Variants in CRMP1 observed in about 807,000 individuals in gnomAD.
The protein encoded by CRMP1 is dihydropyrimidinase-related protein 1.
A neutral mutation model predicts 68.3 loss-of-function variants in CRMP1; 19 were observed. The ratio of observed to expected loss-of-function variants is 0.28; its 90% confidence interval spans 0.19 to 0.41. CRMP1 has a LOEUF of 0.41. Among genes scored for constraint, CRMP1 ranks in the 10% least tolerant of loss-of-function variants. The probability of loss-of-function intolerance (pLI) is 1.00; values close to 1 mark genes in which losing one functional copy is unlikely to be tolerated. For synonymous variants in CRMP1, 439 were observed against 399.6 expected, an observed-to-expected ratio of 1.10 and a Z score of -1.18; for missense variants, 791 against 967.4, an observed-to-expected ratio of 0.82 and a Z score of 2.42.
At chr4:5,886,616 G>A (rs1715606318) in intron 1 of CRMP1, among the ~76,000 whole-genome samples, 1 of 152,244 alleles carries the variant, frequency 6.6e-6, no homozygotes, top group Admixed American at 6.5e-5. Context: ...TTCCACCTTG[G>A]AGACTGGGGA....
chr4:5,825,981 C>A lies in CRMP1; in HGVS notation c.1804-322G>T. On this transcript the variant is annotated intron_variant, in intron 12 of 13. Coordinates refer to ENST00000324989, the MANE Select transcript of CRMP1 (RefSeq NM_001014809.3). This position sits in a 1 kb window ranked among gnomAD's most constrained non-coding sequence, Gnocchi z 4.4. Reference sequence around the variant, plus strand: ...ATGCACATGCAGTAACAAAACAGGCCTACACAGTAGCATACACGCGTGAAC... The same window carrying A: ...ATGCACATGCAGTAACAAAACAGGCATACACAGTAGCATACACGCGTGAAC... 1.1e-4 allele frequency: 44 copies of A among 389,168 alleles called. No individual in the cohort carries two copies. The highest frequency in any genetic ancestry group is 1.7e-4 in the Non-Finnish European group (36 of 216,858). The allele number at this position is 389,168 out of a possible 1,614,324, so 24.1% of individuals were successfully genotyped here.
Position 5,860,898 on chromosome 4 carries a change from T to TG in CRMP1, c.655+127dup. The TG allele has an allele frequency of 1.1e-6, 1 of 916,774 alleles. No homozygotes were observed. Among genetic ancestry groups the TG allele is most frequent in the South Asian group, 1.7e-5 (1 of 58,456 alleles). The allele number at this position is 916,774 out of a possible 1,614,324, so 56.8% of individuals were successfully genotyped here. On this transcript the variant is annotated intron_variant, in intron 3 of 13. Transcript: ENST00000324989. This position sits in a 1 kb window ranked among gnomAD's most constrained non-coding sequence, Gnocchi z 4.2. ...AAAACAGTGACCTGTGTCATAGGGCTGGGGGGAGAATGAAATCCAATGGCA... is the reference window on the plus strand; with the variant it reads ...AAAACAGTGACCTGTGTCATAGGGCTGGGGGGGAGAATGAAATCCAATGGCA...
At chr4:5,869,613 C>T (rs751086011) in intron 1 of CRMP1, among the ~76,000 whole-genome samples, 16 of 147,664 alleles carry the variant, frequency 1.1e-4, no homozygotes, top group African/African-American at 1.8e-4. Flanking sequence ...GAACCCGGAA[C>T]GCAGAGCTTG....
Position 5,838,686 on chromosome 4 carries a change from A to G in CRMP1, c.1310+836T>C, listed in dbSNP as rs1213961173. Among the ~76,000 whole-genome samples, 1 of 152,150 alleles carries G rather than the reference A, an allele frequency of 6.6e-6. No individual in the cohort carries two copies. Among genetic ancestry groups the G allele is most frequent in the Non-Finnish European group, 1.5e-5 (1 of 68,030 alleles). On this transcript the variant is annotated intron_variant, in intron 9 of 13. Coordinates refer to ENST00000324989, the MANE Select transcript of CRMP1 (RefSeq NM_001014809.3). The surrounding 1 kb of genome is among the most constrained non-coding windows in gnomAD (Gnocchi z 4.9). ...AGACATTGGACTGCAGATGTTGAGT[A>G]AGCCCTTGGCTACGCTAGTCAAAGG... is the stretch of plus-strand genomic sequence containing the variant.
At chr4:5,856,913 C>A (rs1713123905) in intron 3 of CRMP1, among the ~76,000 whole-genome samples, 1 of 6,426 alleles carries the variant, frequency 1.6e-4, no homozygotes, top group Non-Finnish European at 3.3e-4. Context: ...CTAACATTAT[C>A]ACCACCACCA....
intron 1 of CRMP1, among the ~76,000 whole-genome samples, chr4:5,875,001 A>T (rs1714712877): frequency 6.6e-6 from 1 of 152,222 alleles, no homozygotes; most frequent in South Asian, 2.1e-4. Flanking sequence ...TCAGAGGAGC[A>T]GCCAGGCAAG....
intron 11 of CRMP1, among the ~76,000 whole-genome samples, chr4:5,835,035 C>G (rs999024649): frequency 2.6e-5 from 4 of 152,140 alleles, no homozygotes; most frequent in African/African-American, 9.7e-5. Flanking sequence ...CCTGTCCCCA[C>G]ACCTGTGGTC....
intron 1 of CRMP1, among the ~76,000 whole-genome samples, chr4:5,878,013 C>T (rs572219399): frequency 1.3e-5 from 2 of 152,286 alleles, no homozygotes; most frequent in South Asian, 4.1e-4. Context: ...GAACAGAACT[C>T]CTTTGCCTTA....
rs1173153210 is a variant in CRMP1 at position 5,877,691 on chromosome 4, A to G, written c.382-10935T>C. Among the ~76,000 whole-genome samples the G allele has an allele frequency of 2.0e-5, 3 of 152,130 alleles. No homozygotes were observed. In the East Asian group the frequency reaches 5.8e-4, roughly 29 times the overall value. Reference sequence around the variant, plus strand: ...GGGACAGGGCGGCTTTCCCCCTTTCATGAATGGGAGATACAGGTAGTCCCC... The same window carrying G: ...GGGACAGGGCGGCTTTCCCCCTTTCGTGAATGGGAGATACAGGTAGTCCCC... On this transcript the variant is annotated intron_variant, in intron 1 of 13. Coordinates refer to ENST00000324989, the MANE Select transcript of CRMP1 (RefSeq NM_001014809.3). This position sits in a 1 kb window ranked among gnomAD's most constrained non-coding sequence, Gnocchi z 4.3.
At chr4:5,863,702 T>A (rs1364030376) in intron 2 of CRMP1, among the ~76,000 whole-genome samples, 1 of 151,910 alleles carries the variant, frequency 6.6e-6, no homozygotes, top group African/African-American at 2.4e-5. Context: ...AATGGAAACC[T>A]CGATGAATCA....
Position 5,870,088 on chromosome 4 carries a change from T to A in CRMP1, c.382-3332A>T, listed in dbSNP as rs578203909. On this transcript the variant is annotated intron_variant, in intron 1 of 13. Coordinates refer to ENST00000324989, the MANE Select transcript of CRMP1 (RefSeq NM_001014809.3). The surrounding 1 kb of genome is among the most constrained non-coding windows in gnomAD (Gnocchi z 6.0). ...CTCAAAGCTTCTTGCATCAGAATCATACTTCCCTCAGAGTGAAAGCCAAGG... is the reference window on the plus strand; with the variant it reads ...CTCAAAGCTTCTTGCATCAGAATCAAACTTCCCTCAGAGTGAAAGCCAAGG... Among the ~76,000 whole-genome samples the A allele has an allele frequency of 1.8e-4, 28 of 152,204 alleles. No homozygotes were observed. Among genetic ancestry groups the A allele is most frequent in the Non-Finnish European group, 2.8e-4 (19 of 68,030 alleles).
At chr4:5,844,939 T>A (rs1712077636) in intron 6 of CRMP1, among the ~76,000 whole-genome samples, 1 of 152,188 alleles carries the variant, frequency 6.6e-6, no homozygotes, top group African/African-American at 2.4e-5. Flanking sequence ...GCATCACGGT[T>A]CCAAATGTGA....
intron 13 of CRMP1, chr4:5,824,474 A>C (rs537701112): frequency 1.0e-6 from 1 of 985,224 alleles, no homozygotes; most frequent in South Asian, 4.7e-5. Context: ...ATCTGAATTC[A>C]CACGTCATCC....
intron 6 of CRMP1, among the ~76,000 whole-genome samples, chr4:5,845,401 T>C (rs903979920): frequency 6.6e-6 from 1 of 152,264 alleles, no homozygotes; most frequent in Non-Finnish European, 1.5e-5. Context: ...GCTGCCCATG[T>C]GCAAGGAACC....
rs888539653 is a variant in CRMP1, at chr4:5,866,820, T to C, written c.382-64A>G. ...AAGCCAGGATAAAGTTTTTTCTTTTTAATTTTTAATATAAGAATTATCAAA... is the reference window on the plus strand; with the variant it reads ...AAGCCAGGATAAAGTTTTTTCTTTTCAATTTTTAATATAAGAATTATCAAA... On this transcript the variant is annotated intron_variant, in intron 1 of 13. Coordinates refer to ENST00000324989, the MANE Select transcript of CRMP1 (RefSeq NM_001014809.3). The surrounding 1 kb of genome is among the most constrained non-coding windows in gnomAD (Gnocchi z 5.9). The C allele has an allele frequency of 2.7e-6, 3 of 1,117,466 alleles. No individual in the cohort carries two copies. Among genetic ancestry groups the C allele is most frequent in the Non-Finnish European group, 3.8e-6 (3 of 788,202 alleles). 69.2% of individuals were successfully genotyped at this position (1,117,466 alleles called of 1,614,324 possible). A position where few individuals can be genotyped will look rare whatever the true frequency, so the allele number is the denominator to read the frequency against.
rs1182643546 is a variant in CRMP1, at chr4:5,853,689, C to T, written c.821-2220G>A. 6.6e-6 allele frequency among the ~76,000 whole-genome samples: 1 copy of T among 152,202 alleles called. No homozygotes were observed. The highest frequency in any genetic ancestry group is 1.9e-4 in the East Asian group (1 of 5,196). On this transcript the variant is annotated intron_variant, in intron 4 of 13. Transcript: ENST00000324989. This position sits in a 1 kb window ranked among gnomAD's most constrained non-coding sequence, Gnocchi z 4.7. ...TATAACAGCCAAGATTAGGAAGCAA[C>T]CTGTGTCCATCAATGAATGAATGGA...
intron 2 of CRMP1, among the ~76,000 whole-genome samples, chr4:5,864,523 C>A (rs767985494): frequency 6.6e-6 from 1 of 152,232 alleles, no homozygotes; most frequent in African/African-American, 2.4e-5. Context: ...CATTTGTTTG[C>A]GCTTTCCCTG....
intron 1 of CRMP1, among the ~76,000 whole-genome samples, chr4:5,886,678 C>CAGA (rs1715611356): frequency 6.6e-6 from 1 of 152,250 alleles, no homozygotes; most frequent in Non-Finnish European, 1.5e-5. Context: ...ACCCAGAACT[C>CAGA]CTGACTCCTG....
At chr4:5,837,678 T>TAAAATA (rs142096286) in intron 9 of CRMP1, among the ~76,000 whole-genome samples, 3,005 of 126,176 alleles carry the variant, frequency 0.024, 133 homozygotes, top group African/African-American at 0.092. Context: ...TAAAATAAAA[T>TAAAATA]AAATAAAATA....
Sources: allele counts gnomAD v4.1 joint callset (sites outside exome capture counted in the v4.1 genomes callset), GRCh38; gene constraint gnomAD v4.1.1; non-coding constraint Gnocchi (gnomAD v3.1); transcripts MANE v1.5; gene names NCBI Gene and HGNC (gene_info 2026-07-23, HGNC 2026-07-21).